ANKRD11: variants seen among roughly 807,000 people sequenced by gnomAD.
The protein encoded by ANKRD11 is ankyrin repeat domain-containing protein 11.
Under a neutral mutation model 195.7 loss-of-function variants are expected in ANKRD11, and 17 were observed. The ratio of observed to expected loss-of-function variants is 0.09; its 90% CI spans 0.06 to 0.13. The LOEUF is 0.13. ANKRD11 is among the 10% of genes least tolerant of loss of function. ANKRD11 has a pLI of 1.00. For missense variants in ANKRD11, 3,735 were observed against 3,566.1 expected, an observed-to-expected ratio of 1.05 and a Z score of -1.21; for synonymous variants, 1,953 against 1,528.1, an observed-to-expected ratio of 1.28 and a Z score of -6.49.
intron 2 of ANKRD11, chr16:89,339,859 T>G (rs1365494203): frequency 6.6e-6 from 1 of 152,160 alleles, no homozygotes; most frequent in East Asian, 1.9e-4. Context: ...TCTCGGCGCT[T>G]TGATACTCAC....
chr16:89,270,408 G>T (rs1336762476), intron 12 of ANKRD11: 1 of 297,692 alleles, frequency 3.4e-6, no homozygotes, highest in African/African-American at 2.2e-5. Context: ...AGCAGCCCTC[G>T]CGACCGGGAT....
chr16:89,415,852 A>AAAAAAAAAAAAAAAAAAAAAAAAG (rs1346811521), intron 2 of ANKRD11, among the ~76,000 whole-genome samples: 1 of 147,366 alleles, frequency 6.8e-6, no homozygotes, highest in Non-Finnish European at 1.5e-5. Context: ...AAAAAAAAAC[A>AAAAAAAAAAAAAAAAAAAAAAAAG]ATGGAGAACC....
At chr16:89,467,266 T>C (rs1189372567) in intron 1 of ANKRD11, among the ~76,000 whole-genome samples, 1 of 14,020 alleles carries the variant, frequency 7.1e-5, no homozygotes, top group Non-Finnish European at 1.0e-4. Context: ...ACCCCATCTC[T>C]ACAAAAAAAA....
intron 3 of ANKRD11, among the ~76,000 whole-genome samples, chr16:89,311,380 G>C (rs780954464): frequency 6.6e-6 from 1 of 152,094 alleles, no homozygotes; most frequent in Admixed American, 6.6e-5. Flanking sequence ...TCTGGCTTTG[G>C]TATCAGTATA....
chr16:89,321,510 C>T (rs1307143907), intron 2 of ANKRD11, among the ~76,000 whole-genome samples: 2 of 152,046 alleles, frequency 1.3e-5, no homozygotes, highest in Non-Finnish European at 2.9e-5. Context: ...GGGGCAGGGG[C>T]TGCCCAGGAG....
intron 2 of ANKRD11, among the ~76,000 whole-genome samples, chr16:89,338,424 T>TA (rs397854933): frequency 0.015 from 1,939 of 126,984 alleles, 27 homozygotes; most frequent in African/African-American, 0.034. Context: ...TACACTCTGT[T>TA]AAAAAAAAAA....
At chr16:89,456,809 G>A (rs964277746) in intron 1 of ANKRD11, among the ~76,000 whole-genome samples, 2 of 152,170 alleles carry the variant, frequency 1.3e-5, no homozygotes, top group Admixed American at 6.5e-5. Flanking sequence ...GAAGAGCTGC[G>A]GAGAAGTGGA....
chr16:89,467,539 T>A (rs1439799405), intron 1 of ANKRD11, among the ~76,000 whole-genome samples: 1 of 152,040 alleles, frequency 6.6e-6, no homozygotes, highest in East Asian at 1.9e-4. Context: ...AGTTTTATTT[T>A]TATTTTTGTA....
intron 1 of ANKRD11, among the ~76,000 whole-genome samples, chr16:89,419,674 G>A (rs900299007): frequency 9.8e-5 from 15 of 152,292 alleles, no homozygotes; most frequent in African/African-American, 3.6e-4. Context: ...TCCCAGGACA[G>A]GGCTTGCTGG....
chr16:89,382,995 C>A (rs979544525), intron 2 of ANKRD11, among the ~76,000 whole-genome samples: 1 of 152,212 alleles, frequency 6.6e-6, no homozygotes, highest in African/African-American at 2.4e-5. Context: ...CGTGAGCCAC[C>A]GTGCCAGGCT....
At position 89,355,266 on chromosome 16, in the gene ANKRD11, G is replaced by A. The variant is rs549793183; in HGVS notation, c.-59-38188C>T. Among the ~76,000 whole-genome samples the A allele has an allele frequency of 2.5e-4, 38 of 150,708 alleles. No individual in the cohort carries two copies. The East Asian group carries it at 3.9e-3, about 15-fold the overall frequency. On this transcript the variant is annotated intron_variant, in intron 2 of 12. Transcript: ENST00000301030. ...GCTCACACCCTGAGGCTCGGAAGGC[G>A]GGCAGAGGGCTCACACCCTGAGGCT... is the stretch of plus-strand genomic sequence containing the variant.
intron 1 of ANKRD11, among the ~76,000 whole-genome samples, chr16:89,480,563 A>C (rs1217307075): frequency 1.3e-5 from 2 of 152,350 alleles, no homozygotes; most frequent in East Asian, 1.9e-4. Context: ...TAGAAGTAAC[A>C]GAAGATATAA....
At chr16:89,461,453 C>G (rs1430185757) in intron 1 of ANKRD11, among the ~76,000 whole-genome samples, 1 of 152,134 alleles carries the variant, frequency 6.6e-6, no homozygotes, top group African/African-American at 2.4e-5. Context: ...GGGAATCCTT[C>G]CCCTCAGCCT....
At position 89,270,908 on chromosome 16, in the gene ANKRD11, C is replaced by A; in HGVS notation, c.7715G>T (p.Gly2572Val). ...GTCGCGCACTGACTTGTTCTCGTCA[C>A]CCTGTGGAAACCAAACACGGGAGTT... ...EVYNMPLESQGDENKSVRDRF... is the reference protein window; with the variant it reads ...EVYNMPLESQVDENKSVRDRF... Residue 2572 changes from glycine (G) to valine (V), a missense_variant and splice_region_variant, in exon 12 of 13, where the codon GGT becomes GTT. Gly to Val is a moderately radical substitution (Grantham distance 109). Transcript: ENST00000301030. The A allele has an allele frequency of 6.2e-7, 1 of 1,613,994 alleles. No individual in the cohort carries two copies. The highest frequency in any genetic ancestry group is 8.5e-7 in the Non-Finnish European group (1 of 1,179,974).
intron 2 of ANKRD11, among the ~76,000 whole-genome samples, chr16:89,332,712 T>C (rs2038131018): frequency 6.6e-6 from 1 of 152,200 alleles, no homozygotes; most frequent in African/African-American, 2.4e-5. Context: ...CGGCAGGGCC[T>C]GGTCTGCACT....
At chr16:89,269,452 G>T (rs1167549418) in intron 12 of ANKRD11, among the ~76,000 whole-genome samples, 1 of 151,956 alleles carries the variant, frequency 6.6e-6, no homozygotes, top group Non-Finnish European at 1.5e-5. Flanking sequence ...CCTCCTCAAT[G>T]GGCCTCATAG....
intron 1 of ANKRD11, among the ~76,000 whole-genome samples, chr16:89,456,263 C>T (rs1597464428): frequency 1.3e-5 from 2 of 149,088 alleles, no homozygotes; most frequent in African/African-American, 5.0e-5. Context: ...GGGGTGGAAA[C>T]GGGGGCCAGG....
At chr16:89,484,156 T>A (rs2057530440) in intron 1 of ANKRD11, among the ~76,000 whole-genome samples, 1 of 152,204 alleles carries the variant, frequency 6.6e-6, no homozygotes, top group African/African-American at 2.4e-5. Context: ...CAGCCAGACA[T>A]CTTAGTCAAA....
At chr16:89,336,533 C>A (rs1424814641) in intron 2 of ANKRD11, among the ~76,000 whole-genome samples, 1 of 152,176 alleles carries the variant, frequency 6.6e-6, no homozygotes, top group Non-Finnish European at 1.5e-5. Flanking sequence ...ATGTCCTCTA[C>A]AATTAAGAGC....
Sources: gnomAD v4.1 joint callset for allele counts (sites outside exome capture counted in the v4.1 genomes callset) on GRCh38, gnomAD v4.1.1 for gene constraint, MANE v1.5 for transcripts, NCBI Gene and HGNC (gene_info 2026-07-23, HGNC 2026-07-21) for gene names.